Variants in BTG3 observed in about 807,000 individuals in gnomAD.
BTG3 encodes protein BTG3.
In BTG3, 4 loss-of-function variants were observed where a neutral mutation model predicts 25.8. The ratio of observed to expected loss-of-function variants is 0.16; its 90% confidence interval spans 0.08 to 0.36. The LOEUF is 0.36. BTG3 is among the 10% of genes least tolerant of loss of function. The probability of loss-of-function intolerance (pLI) is 1.00; values close to 1 mark genes in which losing one functional copy is unlikely to be tolerated. For missense variants in BTG3, 201 were observed against 304.9 expected, an observed-to-expected ratio of 0.66 and a Z score of 2.54; for synonymous variants, 107 against 99.9, an observed-to-expected ratio of 1.07 and a Z score of -0.42.
Position 17,598,603 on chromosome 21 carries a change from G to A in BTG3, c.519+14C>T, listed in dbSNP as rs201355216. ...CTGCACATCCCTTTAAAACTGAGCT[G>A]TTTTCATGGTTACCTGGTACACAGG... On this transcript the variant is annotated intron_variant, in intron 4 of 4. Coordinates refer to ENST00000348354, the MANE Select transcript of BTG3 (RefSeq NM_006806.5). The A allele has an allele frequency of 6.2e-7, 1 of 1,611,172 alleles. No individual in the cohort carries two copies. Among genetic ancestry groups the A allele is most frequent in the African/African-American group, 1.3e-5 (1 of 74,946 alleles).
chr21:17,599,857 C>A (rs2061550584), intron 3 of BTG3, among the ~76,000 whole-genome samples: 1 of 152,118 alleles, frequency 6.6e-6, no homozygotes, highest in African/African-American at 2.4e-5. Flanking sequence ...ATAAAATTGA[C>A]TTTAACCCCA....
At chr21:17,605,479 G>C (rs1352204043) in intron 2 of BTG3, among the ~76,000 whole-genome samples, 1 of 152,148 alleles carries the variant, frequency 6.6e-6, no homozygotes, top group African/African-American at 2.4e-5. Flanking sequence ...GGACACCCTT[G>C]CTTTACCTAT....
intron 4 of BTG3, among the ~76,000 whole-genome samples, chr21:17,595,765 A>C (rs1601080366): frequency 2.0e-5 from 3 of 152,070 alleles, no homozygotes; most frequent in South Asian, 2.1e-4. Flanking sequence ...AGAAGGCTTT[A>C]TAGGCATATT....
intron 2 of BTG3, among the ~76,000 whole-genome samples, chr21:17,607,108 T>C (rs1284050267): frequency 6.6e-6 from 1 of 152,214 alleles, no homozygotes; most frequent in Non-Finnish European, 1.5e-5. Flanking sequence ...CTATTTTTTC[T>C]ACTTCAAATA....
At chr21:17,609,254 T>C in intron 1 of BTG3, 102 bp from the exon 2 acceptor site, 1 of 1,098,150 alleles carries the variant, frequency 9.1e-7, no homozygotes, top group South Asian at 1.7e-5. Flanking sequence ...CCTTCCTCCT[T>C]CCAATTTTAT....
chr21:17,602,888 A>T (rs1226788386), intron 3 of BTG3, among the ~76,000 whole-genome samples: 2 of 152,246 alleles, frequency 1.3e-5, no homozygotes, highest in Non-Finnish European at 2.9e-5. Context: ...CTTGTTAAAC[A>T]TCCTTGGACA....
intron 1 of BTG3, among the ~76,000 whole-genome samples, chr21:17,611,013 A>G (rs2061714005): frequency 6.6e-6 from 1 of 152,090 alleles, no homozygotes; most frequent in South Asian, 2.1e-4. Flanking sequence ...GAACCCTAGA[A>G]TGAGAAATTC....
At position 17,610,817 on chromosome 21, in the gene BTG3, C is replaced by T. The variant is rs559087669; in HGVS notation, c.-8-1665G>A. ...TTCCCACATTTCCAAAAAAATAAAG[C>T]TGATTGTTAGCTTTCTTTTCTCAAA... On this transcript the variant is annotated intron_variant, in intron 1 of 4. Coordinates refer to ENST00000348354, the MANE Select transcript of BTG3 (RefSeq NM_006806.5). Among the ~76,000 whole-genome samples the T allele has an allele frequency of 1.2e-4, 19 of 152,310 alleles. No individual in the cohort carries two copies. The South Asian group carries it at 3.1e-3, about 25-fold the overall frequency.
intron 3 of BTG3, among the ~76,000 whole-genome samples, chr21:17,601,037 C>A (rs2061566921): frequency 6.6e-6 from 1 of 152,130 alleles, no homozygotes; most frequent in South Asian, 2.1e-4. Context: ...GTGGTGTGCG[C>A]CTGTAATCCC....
intron 3 of BTG3, among the ~76,000 whole-genome samples, chr21:17,601,118 G>T (rs939435759): frequency 6.6e-6 from 1 of 151,156 alleles, no homozygotes; most frequent in Non-Finnish European, 1.5e-5. Flanking sequence ...AGCTGAGATC[G>T]CACCACTGCA....
At chr21:17,603,980 C>G (rs2061604931) in intron 3 of BTG3, among the ~76,000 whole-genome samples, 1 of 152,130 alleles carries the variant, frequency 6.6e-6, no homozygotes, top group African/African-American at 2.4e-5. Context: ...TTTTGAAAAC[C>G]CTACAACTGA....
chr21:17,604,098 A>T (rs1176339523), intron 3 of BTG3: 3 of 1,261,520 alleles, frequency 2.4e-6, no homozygotes, highest in Non-Finnish European at 3.1e-6. Context: ...GTGAAAAATA[A>T]CTTCCATTAT....
intron 4 of BTG3, among the ~76,000 whole-genome samples, chr21:17,598,239 T>A (rs2061528950): frequency 6.6e-6 from 1 of 152,106 alleles, no homozygotes; most frequent in Non-Finnish European, 1.5e-5. Flanking sequence ...TTCTCTTTAA[T>A]CATGGAACGG....
intron 1 of BTG3, among the ~76,000 whole-genome samples, chr21:17,609,688 A>G (rs764625539): frequency 2.0e-5 from 3 of 152,260 alleles, no homozygotes; most frequent in Admixed American, 6.5e-5. Context: ...AAATGAAAAC[A>G]TATGTCCACA....
intron 4 of BTG3, among the ~76,000 whole-genome samples, chr21:17,597,046 C>G (rs112796133): frequency 0.017 from 2,575 of 152,140 alleles, 31 homozygotes; most frequent in Non-Finnish European, 0.024. Flanking sequence ...AGCTTTCACA[C>G]AAGTAGTGTT....
intron 3 of BTG3, among the ~76,000 whole-genome samples, chr21:17,603,169 T>C (rs1487586988): frequency 1.3e-5 from 2 of 152,138 alleles, no homozygotes; most frequent in Non-Finnish European, 2.9e-5. Flanking sequence ...AAGTAAACAA[T>C]TCAATATAGT....
At chr21:17,609,661 T>C (rs887282155) in intron 1 of BTG3, among the ~76,000 whole-genome samples, 2 of 152,256 alleles carry the variant, frequency 1.3e-5, no homozygotes, top group Non-Finnish European at 2.9e-5. Context: ...CCAATTCTAC[T>C]TCTATTTGCC....
chr21:17,602,547 C>G (rs2061587457), intron 3 of BTG3, among the ~76,000 whole-genome samples: 1 of 152,168 alleles, frequency 6.6e-6, no homozygotes, highest in South Asian at 2.1e-4. Context: ...ACCACCTCTA[C>G]TAAACGATTA....
At chr21:17,596,017 CATAA>C (rs1310545331) in intron 4 of BTG3, among the ~76,000 whole-genome samples, 1 of 151,990 alleles carries the variant, frequency 6.6e-6, no homozygotes, top group African/African-American at 2.4e-5. Flanking sequence ...TTCCTCTGAT[CATAA>C]ATGAGGCCAT....
Sources: allele counts gnomAD v4.1 joint callset (sites outside exome capture counted in the v4.1 genomes callset), GRCh38; gene constraint gnomAD v4.1.1; transcripts MANE v1.5; gene names NCBI Gene and HGNC (gene_info 2026-07-23, HGNC 2026-07-21).